FAM81A: variants seen among roughly 807,000 people sequenced by gnomAD.
FAM81A encodes the protein family with sequence similarity 81 member A, also known as protein FAM81A.
A neutral mutation model predicts 46.7 loss-of-function variants in FAM81A; 19 were observed. The ratio of observed to expected loss-of-function variants is 0.41; its 90% CI spans 0.28 to 0.60. The LOEUF (loss-of-function observed/expected upper bound fraction) is 0.60. Among genes scored for constraint, FAM81A ranks in the 20% least tolerant of loss-of-function variants. The probability of loss-of-function intolerance (pLI) is 0.34; values close to 1 mark genes in which losing one functional copy is unlikely to be tolerated. For missense variants in FAM81A, 377 were observed against 453.5 expected (o/e 0.83, Z 1.53); for synonymous variants, 183 against 152.9 (o/e 1.20, Z -1.45).
Position 59,521,282 on chromosome 15 carries a change from A to T in FAM81A, c.1011A>T (p.Gly337=), listed in dbSNP as rs373058686. 41 of 1,613,778 alleles carry T rather than the reference A, an allele frequency of 2.5e-5. No individual in the cohort carries two copies. In the African/African-American group the frequency reaches 4.8e-4, roughly 19 times the overall value. Reference sequence around the variant, plus strand: ...TTACAGCCGTCTATGAAAGCATAGGATCCCTCAGGCAAGTTCTCGAGGCCA... The same window carrying T: ...TTACAGCCGTCTATGAAAGCATAGGTTCCCTCAGGCAAGTTCTCGAGGCCA... ...AGFTAVYESI[G]SLRQVLEAKM... is the part of the protein sequence containing the mutation. The change falls in exon 9 of 9, where the codon GGA becomes GGT. Residue 337 remains glycine, a synonymous_variant. Coordinates refer to ENST00000288228, the MANE Select transcript of FAM81A (RefSeq NM_152450.3).
intron 2 of FAM81A, among the ~76,000 whole-genome samples, chr15:59,406,514 A>G (rs1394780688): frequency 6.6e-6 from 1 of 152,248 alleles, no homozygotes; most frequent in Non-Finnish European, 1.5e-5. Flanking sequence ...AGGCAAATTT[A>G]TATATCATAA....
chr15:59,522,123 A>G lies in FAM81A; in HGVS notation c.*745A>G, dbSNP rs2082334122. 6.6e-6 allele frequency: 1 copy of G among 152,666 alleles called. No individual in the cohort carries two copies. Among genetic ancestry groups the G allele is most frequent in the South Asian group, 2.1e-4 (1 of 4,828 alleles). 9.5% of individuals were successfully genotyped at this position (152,666 alleles called of 1,614,324 possible). A position where few individuals can be genotyped will look rare whatever the true frequency, so the allele number is the denominator to read the frequency against. On this transcript the variant is annotated 3_prime_UTR_variant, in exon 9 of 9. Coordinates refer to ENST00000288228, the MANE Select transcript of FAM81A (RefSeq NM_152450.3). ...ATCCACAACCTGTATAGTGATAGCCATATATTTAATAATGGAATGGTGGTT... is the reference window on the plus strand; with the variant it reads ...ATCCACAACCTGTATAGTGATAGCCGTATATTTAATAATGGAATGGTGGTT...
chr15:59,499,452 T>C (rs2082068029), intron 4 of FAM81A, among the ~76,000 whole-genome samples: 2 of 152,186 alleles, frequency 1.3e-5, no homozygotes, highest in African/African-American at 4.8e-5. Flanking sequence ...AGAGAAAATA[T>C]TCATTTATAT....
chr15:59,497,730 A>C (rs1357554165), intron 4 of FAM81A, among the ~76,000 whole-genome samples: 4 of 152,158 alleles, frequency 2.6e-5, no homozygotes, highest in African/African-American at 9.7e-5. Flanking sequence ...TGAAAAAATG[A>C]ATATAAGTTA....
At chr15:59,409,056 C>G (rs1273168883) in intron 2 of FAM81A, 1 of 152,126 alleles carries the variant, frequency 6.6e-6, no homozygotes, top group Non-Finnish European at 1.5e-5. Context: ...AAAACGTCAT[C>G]AAAAGGGCTG....
At chr15:59,455,161 A>G (rs887202103) in intron 1 of FAM81A, among the ~76,000 whole-genome samples, 1 of 150,612 alleles carries the variant, frequency 6.6e-6, no homozygotes, top group Non-Finnish European at 1.5e-5. Context: ...TCAACCTCCC[A>G]AAGTGCTGAG....
chr15:59,461,448 G>T lies in FAM81A; in HGVS notation c.294+1242G>T, dbSNP rs114919240. Among the ~76,000 whole-genome samples, 1,053 of 152,150 alleles carry T rather than the reference G, an allele frequency of 6.9e-3. 14 individuals carry two copies. The highest frequency in any genetic ancestry group is 0.024 in the African/African-American group (1,006 of 41,520). On this transcript the variant is annotated intron_variant, in intron 3 of 8. Coordinates refer to ENST00000288228, the MANE Select transcript of FAM81A (RefSeq NM_152450.3). ...CTACAGGTGTGCACAATCATGCCCA[G>T]CTAATTTTTGTATTTTTAATACTAC...
At chr15:59,483,448 G>GA (rs1178397035) in intron 3 of FAM81A, among the ~76,000 whole-genome samples, 8 of 151,362 alleles carry the variant, frequency 5.3e-5, no homozygotes, top group Non-Finnish European at 1.0e-4. Flanking sequence ...TGAAAATCCT[G>GA]AAAAAAATAC....
chr15:59,425,203 C>T (rs1487876270), intron 2 of FAM81A, among the ~76,000 whole-genome samples: 1 of 152,116 alleles, frequency 6.6e-6, no homozygotes, highest in Non-Finnish European at 1.5e-5. Flanking sequence ...ATAGACCACG[C>T]AATGACTACA....
intron 2 of FAM81A, among the ~76,000 whole-genome samples, chr15:59,416,260 G>A (rs555603053): frequency 2.6e-5 from 4 of 152,310 alleles, no homozygotes; most frequent in East Asian, 1.9e-4. Context: ...GGTGGTCACC[G>A]CTGTGTGCAA....
At chr15:59,485,590 G>A (rs1003855850) in intron 3 of FAM81A, among the ~76,000 whole-genome samples, 1 of 152,228 alleles carries the variant, frequency 6.6e-6, no homozygotes, top group Non-Finnish European at 1.5e-5. Context: ...AGATATGGTT[G>A]CAGTGACCGA....
At chr15:59,422,965 G>C (rs978027993) in intron 2 of FAM81A, among the ~76,000 whole-genome samples, 1 of 151,940 alleles carries the variant, frequency 6.6e-6, no homozygotes, top group Admixed American at 6.6e-5. Flanking sequence ...ATTTGCCTAT[G>C]GAATAATGAT....
In FAM81A at chr15:59,512,842, T is replaced by A. The variant is rs1022524013; in HGVS notation, c.651-1447T>A. 3.9e-5 allele frequency among the ~76,000 whole-genome samples: 6 copies of A among 152,216 alleles called. 1 individual carries two copies. The South Asian group carries it at 1.2e-3, about 31-fold the overall frequency. Reference sequence around the variant, plus strand: ...GGGAGAGAGTCCAGGGCAGAAGCTTTGTTTTTAAAGATAGGACTGGAAAGG... The same window carrying A: ...GGGAGAGAGTCCAGGGCAGAAGCTTAGTTTTTAAAGATAGGACTGGAAAGG... On this transcript the variant is annotated intron_variant, in intron 6 of 8. Coordinates refer to ENST00000288228, the MANE Select transcript of FAM81A (RefSeq NM_152450.3).
Position 59,516,789 on chromosome 15 carries a change from G to C in FAM81A, c.931G>C (p.Glu311Gln), listed in dbSNP as rs1269720653. Reference protein sequence around the residue: ...EKMHGRITKLELQMNQNIKEM... With the variant: ...EKMHGRITKLQLQMNQNIKEM... ...GATGCACGGGCGAATCACCAAGCTG[G>C]AGTTACAGATGAACCAGAACATCAA... The change falls in exon 8 of 9, where the codon GAG (glutamate) becomes CAG (glutamine). Residue 311 changes from glutamate to glutamine, a missense_variant. Glu to Gln is a conservative substitution (Grantham distance 29). Transcript: ENST00000288228. The C allele has an allele frequency of 6.2e-7, 1 of 1,611,972 alleles. No homozygotes were observed. The highest frequency in any genetic ancestry group is 8.5e-7 in the Non-Finnish European group (1 of 1,179,272).
intron 2 of FAM81A, among the ~76,000 whole-genome samples, chr15:59,429,342 T>C (rs530943713): frequency 6.6e-6 from 1 of 152,364 alleles, no homozygotes; most frequent in Non-Finnish European, 1.5e-5. Context: ...TCATGTCCTT[T>C]CATTATAAGA....
intron 4 of FAM81A, among the ~76,000 whole-genome samples, chr15:59,494,281 A>G (rs1411366219): frequency 2.0e-5 from 3 of 152,182 alleles, no homozygotes; most frequent in Admixed American, 1.3e-4. Flanking sequence ...CTTGCGAGCT[A>G]TAGGACAGAG....
At chr15:59,419,904 C>A (rs1309461447) in intron 2 of FAM81A, among the ~76,000 whole-genome samples, 1 of 151,956 alleles carries the variant, frequency 6.6e-6, no homozygotes, top group Admixed American at 6.6e-5. Flanking sequence ...ACAAAGAAAC[C>A]AAAAACCAAC....
intron 2 of FAM81A, among the ~76,000 whole-genome samples, chr15:59,458,954 G>A (rs1323065416): frequency 1.3e-5 from 2 of 152,162 alleles, no homozygotes; most frequent in African/African-American, 2.4e-5. Context: ...GGGGCCTATC[G>A]GCCAAAATTG....
chr15:59,469,624 G>T (rs1236881860), intron 3 of FAM81A, among the ~76,000 whole-genome samples: 2 of 151,510 alleles, frequency 1.3e-5, no homozygotes, highest in African/African-American at 4.9e-5. Flanking sequence ...CACATGAGAT[G>T]GGTCTCCTGA....
Sources: gnomAD v4.1 joint callset for allele counts (sites outside exome capture counted in the v4.1 genomes callset) on GRCh38, gnomAD v4.1.1 for gene constraint, MANE v1.5 for transcripts, NCBI Gene and HGNC (gene_info 2026-07-23, HGNC 2026-07-21) for gene names.